RAB8B: variants seen among roughly 807,000 people sequenced by gnomAD.
RAB8B encodes the protein RAB8B, member RAS oncogene family.
RAB8B carries 11 observed loss-of-function variants against 32.0 expected under a neutral mutation model. The observed-to-expected ratio is 0.34, with a 90% confidence interval of 0.22 to 0.57. The LOEUF (loss-of-function observed/expected upper bound fraction) is 0.57. Ranked by LOEUF, RAB8B falls within the 20% of genes least tolerant of loss-of-function variation. The probability of loss-of-function intolerance (pLI) is 0.86; values close to 1 mark genes in which losing one functional copy is unlikely to be tolerated. For synonymous variants in RAB8B, 103 were observed against 89.6 expected (o/e 1.15, Z -0.85); for missense variants, 190 against 258.5 (o/e 0.73, Z 1.82).
intron 6 of RAB8B, 113 bp from the exon 7 acceptor site, chr15:63,262,579 A>G: frequency 3.2e-6 from 1 of 311,374 alleles, no homozygotes; most frequent in Non-Finnish European, 5.4e-6. Flanking sequence ...CAGCCAGGGC[A>G]ACATAGCAAG....
intron 3 of RAB8B, chr15:63,251,422 C>A (rs1019222811): frequency 2.4e-5 from 10 of 408,534 alleles, no homozygotes; most frequent in Middle Eastern, 3.5e-4. Flanking sequence ...GATGTGCTGA[C>A]ACCATTTGCA....
At chr15:63,200,409 A>G (rs923354147) in intron 1 of RAB8B, among the ~76,000 whole-genome samples, 3 of 152,244 alleles carry the variant, frequency 2.0e-5, no homozygotes, top group African/African-American at 7.2e-5. Flanking sequence ...ATATCACCAG[A>G]AAGATAACTT....
chr15:63,221,511 A>G (rs746835630), intron 1 of RAB8B, among the ~76,000 whole-genome samples: 1 of 152,126 alleles, frequency 6.6e-6, no homozygotes, highest in Non-Finnish European at 1.5e-5. Flanking sequence ...CTCAGTGACA[A>G]ACTTCCTTTT....
In RAB8B at chr15:63,256,495, C is replaced by CT; in HGVS notation, c.325-9dup. The stretch of plus-strand genomic sequence containing the variant: ...GGCTGTTTTTATAGCATGCTATTTT[C>CT]TCCCTGCAGCATGCCTCTTCCGATG... On this transcript the variant is annotated splice_polypyrimidine_tract_variant and intron_variant, in intron 4 of 7. Coordinates refer to ENST00000321437, the MANE Select transcript of RAB8B (RefSeq NM_016530.3). 1 of 1,581,984 alleles carries CT rather than the reference C, an allele frequency of 6.3e-7. No individual in the cohort carries two copies. Among genetic ancestry groups the CT allele is most frequent in the Non-Finnish European group, 8.6e-7 (1 of 1,167,632 alleles).
intron 1 of RAB8B, chr15:63,223,921 A>T (rs1317280927): frequency 1.7e-5 from 7 of 413,884 alleles, no homozygotes; most frequent in South Asian, 1.0e-4. Flanking sequence ...AAGCAGTGTG[A>T]TGTAGTGGAC....
intron 1 of RAB8B, among the ~76,000 whole-genome samples, chr15:63,231,872 A>G (rs2037939532): frequency 6.6e-6 from 1 of 152,212 alleles, no homozygotes; most frequent in Non-Finnish European, 1.5e-5. Context: ...TTCACTGAGA[A>G]TCTCTAAAAT....
chr15:63,233,167 C>T (rs759058685), intron 1 of RAB8B, among the ~76,000 whole-genome samples: 6 of 151,176 alleles, frequency 4.0e-5, no homozygotes, highest in African/African-American at 7.3e-5. Context: ...TCAAGCTATC[C>T]GCTCACTTCA....
At chr15:63,236,614 A>T (rs960512070) in intron 1 of RAB8B, among the ~76,000 whole-genome samples, 7 of 150,800 alleles carry the variant, frequency 4.6e-5, no homozygotes, top group East Asian at 2.0e-4. Flanking sequence ...AAAGTCTTTT[A>T]AAAAAAAATT....
intron 1 of RAB8B, among the ~76,000 whole-genome samples, chr15:63,237,858 T>C (rs996272562): frequency 3.3e-5 from 5 of 152,216 alleles, no homozygotes; most frequent in African/African-American, 1.2e-4. Flanking sequence ...AGTAGTTTCA[T>C]AGTTTGAAGT....
chr15:63,261,656 T>C (rs941592879), intron 6 of RAB8B, among the ~76,000 whole-genome samples: 6 of 152,224 alleles, frequency 3.9e-5, no homozygotes, highest in Admixed American at 6.5e-5. Context: ...GTGGTTAGGC[T>C]CATAGGTGAC....
chr15:63,254,290 CA>C (rs1359501375), intron 3 of RAB8B, among the ~76,000 whole-genome samples: 1 of 152,164 alleles, frequency 6.6e-6, no homozygotes, highest in Admixed American at 6.5e-5. Context: ...TCCAGCCCCT[CA>C]ACCAGATTGA....
rs775358970 is a variant in RAB8B at position 63,244,824 on chromosome 15, AAC to A, written c.185+18_185+19del. The stretch of plus-strand genomic sequence containing the variant: ...AATTAAGCTTCAGATATGGTAAGTA[AAC>A]ACACACACAGAGTTTCTGCTTTAAT... On this transcript the variant is annotated intron_variant, in intron 2 of 7. Coordinates refer to ENST00000321437, the MANE Select transcript of RAB8B (RefSeq NM_016530.3). 28 of 1,565,706 alleles carry A rather than the reference AAC, an allele frequency of 1.8e-5. No homozygotes were observed. Among genetic ancestry groups the A allele is most frequent in the African/African-American group, 1.2e-4 (9 of 73,426 alleles).
chr15:63,237,981 T>A (rs1355048823), intron 1 of RAB8B, among the ~76,000 whole-genome samples: 1 of 152,146 alleles, frequency 6.6e-6, no homozygotes, highest in Non-Finnish European at 1.5e-5. Context: ...CACCATTTAT[T>A]GAAGAGACTG....
intron 1 of RAB8B, among the ~76,000 whole-genome samples, chr15:63,203,149 C>T (rs2037667387): frequency 6.6e-6 from 1 of 152,216 alleles, no homozygotes; most frequent in South Asian, 2.1e-4. Flanking sequence ...CAGTAAACTT[C>T]CTGGGCTTTT....
At chr15:63,221,575 C>G (rs1309238506) in intron 1 of RAB8B, among the ~76,000 whole-genome samples, 2 of 152,168 alleles carry the variant, frequency 1.3e-5, no homozygotes, top group Admixed American at 1.3e-4. Flanking sequence ...TTCACCAGGT[C>G]ATCCTGTCCC....
rs1032541332 is a variant in RAB8B, at chr15:63,259,937, C to T, written c.480+245C>T. On this transcript the variant is annotated intron_variant, in intron 6 of 7. Coordinates refer to ENST00000321437, the MANE Select transcript of RAB8B (RefSeq NM_016530.3). This position sits in a 1 kb window ranked among gnomAD's most constrained non-coding sequence, Gnocchi z 4.4. ...GCAACCTCTGCCTCCCAGGTTCAAGCGATTCTCCTGCCTCAGCCTCCCGAG... is the reference window on the plus strand; with the variant it reads ...GCAACCTCTGCCTCCCAGGTTCAAGTGATTCTCCTGCCTCAGCCTCCCGAG... Among the ~76,000 whole-genome samples the T allele has an allele frequency of 5.3e-5, 8 of 151,930 alleles. No homozygotes were observed. The highest frequency in any genetic ancestry group is 9.7e-5 in the African/African-American group (4 of 41,374).
At chr15:63,230,694 T>TTAG (rs1475638403) in intron 1 of RAB8B, among the ~76,000 whole-genome samples, 1 of 151,930 alleles carries the variant, frequency 6.6e-6, no homozygotes, top group Non-Finnish European at 1.5e-5. Context: ...ATTTTACTAC[T>TTAG]TATTATTATT....
At chr15:63,221,207 C>T (rs1280526453) in intron 1 of RAB8B, among the ~76,000 whole-genome samples, 1 of 152,042 alleles carries the variant, frequency 6.6e-6, no homozygotes, top group Non-Finnish European at 1.5e-5. Flanking sequence ...AGGTTTTATG[C>T]TGAGGAATTG....
intron 1 of RAB8B, among the ~76,000 whole-genome samples, chr15:63,237,661 T>C (rs746426507): frequency 6.6e-6 from 1 of 152,188 alleles, no homozygotes; most frequent in Non-Finnish European, 1.5e-5. Flanking sequence ...AGTTTGCAAA[T>C]ATTTTTTCCC....
Sources: allele counts gnomAD v4.1 joint callset (sites outside exome capture counted in the v4.1 genomes callset), GRCh38; gene constraint gnomAD v4.1.1; non-coding constraint Gnocchi (gnomAD v3.1); transcripts MANE v1.5; gene names NCBI Gene and HGNC (gene_info 2026-07-23, HGNC 2026-07-21).